The following EYA1 variants were observed in gnomAD, a reference collection of about 807,000 sequenced individuals.
The protein encoded by EYA1 is EYA transcriptional coactivator and phosphatase 1, also known as protein phosphatase EYA1.
Under a neutral mutation model 82.0 loss-of-function variants are expected in EYA1, and 16 were observed. That is an observed-to-expected ratio of 0.20 (90% CI 0.13 to 0.30). The LOEUF (loss-of-function observed/expected upper bound fraction) is 0.30, where lower values mean the gene tolerates loss of function less well. EYA1 is among the 10% of genes least tolerant of loss of function. The pLI is 1.00. For synonymous variants in EYA1, 261 were observed against 264.4 expected (o/e 0.99, Z 0.12); for missense variants, 633 against 730.7 (o/e 0.87, Z 1.54).
chr8:71,534,769 G>A (rs1264558685), intron 2 of EYA1, among the ~76,000 whole-genome samples: 2 of 152,056 alleles, frequency 1.3e-5, no homozygotes, highest in Non-Finnish European at 2.9e-5. Context: ...GGGGGTGAGG[G>A]GAAGGAATTC....
At chr8:71,318,667 T>A (rs1822188684) in intron 6 of EYA1, among the ~76,000 whole-genome samples, 1 of 152,312 alleles carries the variant, frequency 6.6e-6, no homozygotes, top group African/African-American at 2.4e-5. Context: ...TCACATTTTT[T>A]AATAATTTTG....
intron 2 of EYA1, among the ~76,000 whole-genome samples, chr8:71,514,267 T>G (rs1812805147): frequency 6.6e-6 from 1 of 152,142 alleles, no homozygotes; most frequent in Non-Finnish European, 1.5e-5. Flanking sequence ...ATATAACTTG[T>G]AAATATAACA....
intron 4 of EYA1, among the ~76,000 whole-genome samples, chr8:71,332,506 C>T (rs1824001848): frequency 6.6e-6 from 1 of 152,162 alleles, no homozygotes; most frequent in Non-Finnish European, 1.5e-5. Flanking sequence ...ATGAAATGCA[C>T]CAAATCCATC....
At chr8:71,221,865 A>T (rs1809962266) in intron 12 of EYA1, among the ~76,000 whole-genome samples, 1 of 152,150 alleles carries the variant, frequency 6.6e-6, no homozygotes, top group Non-Finnish European at 1.5e-5. Flanking sequence ...AAGGGAAGAA[A>T]GCCTCAGATA....
At chr8:71,537,938 G>C (rs910804802) in intron 1 of EYA1, among the ~76,000 whole-genome samples, 1 of 152,172 alleles carries the variant, frequency 6.6e-6, no homozygotes, top group Non-Finnish European at 1.5e-5. Context: ...AAAAAGAAAA[G>C]ACAGATTATT....
chr8:71,226,809 ATTAAG>A (rs1235664220), intron 12 of EYA1, among the ~76,000 whole-genome samples: 2 of 151,794 alleles, frequency 1.3e-5, no homozygotes, highest in Non-Finnish European at 2.9e-5. Flanking sequence ...TCCGTCTTTT[ATTAAG>A]TTATGTTTTA....
intron 2 of EYA1, among the ~76,000 whole-genome samples, chr8:71,469,444 G>A (rs143446932): frequency 6.8e-4 from 103 of 152,132 alleles, no homozygotes; most frequent in Admixed American, 1.8e-3. Flanking sequence ...CAGCATTGTT[G>A]TGAGGATCAA....
chr8:71,434,162 TA>T (rs2129164056), intron 2 of EYA1, among the ~76,000 whole-genome samples: 1 of 152,326 alleles, frequency 6.6e-6, no homozygotes, highest in South Asian at 2.1e-4. Context: ...AAGGTATATT[TA>T]AATATTTACA....
Position 71,354,246 on chromosome 8 carries a change from A to G in EYA1, c.124+536T>C, listed in dbSNP as rs1586515948. 2.0e-5 allele frequency among the ~76,000 whole-genome samples: 3 copies of G among 152,264 alleles called. No individual in the cohort carries two copies. The South Asian group carries it at 6.2e-4, about 32-fold the overall frequency. ...TGTGTATATCACCTAAATGCTGTGT[A>G]TATTTCATAAACAATACTTTTTAAA... is the stretch of plus-strand genomic sequence containing the variant. On this transcript the variant is annotated intron_variant, in intron 3 of 17. Transcript: ENST00000340726.
rs1829917187 is a variant in EYA1, at chr8:71,400,843, T to A, written c.34-44332A>T. 2.0e-5 allele frequency among the ~76,000 whole-genome samples: 3 copies of A among 152,160 alleles called. No homozygotes were observed. In the South Asian group the frequency reaches 6.2e-4, roughly 32 times the overall value. ...TATTAAGACATATGCATGCATATGT[T>A]CACTGCAGCACTATTTACAATGACA... is the stretch of plus-strand genomic sequence containing the variant. On this transcript the variant is annotated intron_variant, in intron 2 of 18. Transcript: ENST00000643681.
At chr8:71,367,487 A>G (rs1827823154) in intron 2 of EYA1, among the ~76,000 whole-genome samples, 2 of 151,384 alleles carry the variant, frequency 1.3e-5, no homozygotes, top group Non-Finnish European at 2.9e-5. Context: ...AAACCTAATA[A>G]CCTATAGAAT....
At chr8:71,212,954 G>A (rs1283616566) in intron 16 of EYA1, among the ~76,000 whole-genome samples, 1 of 152,284 alleles carries the variant, frequency 6.6e-6, no homozygotes, top group East Asian at 1.9e-4. Context: ...GTGTGTGCCT[G>A]TAATCCCAGC....
At chr8:71,294,849 C>A (rs1819428994) in intron 9 of EYA1, among the ~76,000 whole-genome samples, 1 of 152,120 alleles carries the variant, frequency 6.6e-6, no homozygotes, top group Non-Finnish European at 1.5e-5. Context: ...TACTATAAAG[C>A]TGTAGTAATC....
rs76714955 is a variant in EYA1, at chr8:71,508,200, C to T, written c.33+27544G>A. Reference sequence around the variant, plus strand: ...TATTCAGAAAAATTTTCTATCCATGCTCTTTCTGAGGTCTTCAGTCATACT... The same window carrying T: ...TATTCAGAAAAATTTTCTATCCATGTTCTTTCTGAGGTCTTCAGTCATACT... On this transcript the variant is annotated intron_variant, in intron 2 of 18. Coordinates refer to the EYA1 transcript ENST00000643681. Among the ~76,000 whole-genome samples the T allele has an allele frequency of 5.7e-3, 862 of 152,296 alleles. 14 individuals are homozygous for T. The highest frequency in any genetic ancestry group is 0.019 in the African/African-American group (794 of 41,570).
intron 11 of EYA1, among the ~76,000 whole-genome samples, chr8:71,258,107 C>G (rs1814658362): frequency 6.6e-6 from 1 of 152,152 alleles, no homozygotes; most frequent in African/African-American, 2.4e-5. Flanking sequence ...TAGTTTTACC[C>G]TAATGACAGA....
At chr8:71,333,219 T>C (rs1216601801) in intron 4 of EYA1, among the ~76,000 whole-genome samples, 5 of 152,236 alleles carry the variant, frequency 3.3e-5, no homozygotes, top group Admixed American at 2.0e-4. Flanking sequence ...TGTTAATTTT[T>C]ATCACTTTCA....
intron 3 of EYA1, among the ~76,000 whole-genome samples, chr8:71,336,473 A>G (rs1227438132): frequency 6.6e-6 from 1 of 152,226 alleles, no homozygotes; most frequent in African/African-American, 2.4e-5. Context: ...CTATGATTCA[A>G]CAGATTCTAT....
At chr8:71,292,121 A>G (rs1362278518) in intron 9 of EYA1, among the ~76,000 whole-genome samples, 1 of 152,132 alleles carries the variant, frequency 6.6e-6, no homozygotes, top group East Asian at 1.9e-4. Context: ...TTTTCTTCGT[A>G]ATAATACTCA....
intron 7 of EYA1, among the ~76,000 whole-genome samples, chr8:71,310,100 T>G (rs1431359760): frequency 1.3e-5 from 2 of 152,132 alleles, no homozygotes; most frequent in Non-Finnish European, 2.9e-5. Context: ...ATACCATTAT[T>G]GATATTCTGG....
Sources: allele counts gnomAD v4.1 joint callset (sites outside exome capture counted in the v4.1 genomes callset), GRCh38; gene constraint gnomAD v4.1.1; transcripts MANE v1.5; gene names NCBI Gene and HGNC (gene_info 2026-07-23, HGNC 2026-07-21).